The following BMP7 variants were observed in gnomAD, a reference collection of about 807,000 sequenced individuals.
The protein encoded by BMP7 is osteogenic protein 1.
BMP7 carries 12 observed loss-of-function variants against 41.2 expected under a neutral mutation model. That is an observed-to-expected ratio of 0.29 (90% CI 0.19 to 0.47). The LOEUF (loss-of-function observed/expected upper bound fraction) is 0.47, where lower values mean the gene tolerates loss of function less well. Ranked by LOEUF, BMP7 falls within the 20% of genes least tolerant of loss-of-function variation. The probability of loss-of-function intolerance (pLI) is 0.99; values close to 1 mark genes in which losing one functional copy is unlikely to be tolerated. For missense variants in BMP7, 467 were observed against 606.0 expected (o/e 0.77, Z 2.41); for synonymous variants, 248 against 250.0 (o/e 0.99, Z 0.07).
In BMP7 at chr20:57,261,778, G is replaced by A. The variant is rs532616321; in HGVS notation, c.418+3927C>T. Among the ~76,000 whole-genome samples, 9 of 152,298 alleles carry A rather than the reference G, an allele frequency of 5.9e-5. No individual in the cohort carries two copies. The highest frequency in any genetic ancestry group is 1.7e-4 in the African/African-American group (7 of 41,560). On this transcript the variant is annotated intron_variant, in intron 1 of 6. Coordinates refer to ENST00000395863, the MANE Select transcript of BMP7 (RefSeq NM_001719.3). This position sits in a 1 kb window ranked among gnomAD's most constrained non-coding sequence, Gnocchi z 4.1. ...ACAGCTGCAAATGCCTGCAGTCCACGCTCCCCTTTGCGAAGCACTCCCTGA... is the reference window on the plus strand; with the variant it reads ...ACAGCTGCAAATGCCTGCAGTCCACACTCCCCTTTGCGAAGCACTCCCTGA...
At chr20:57,203,035 T>G (rs755395277) in intron 2 of BMP7, among the ~76,000 whole-genome samples, 2 of 152,120 alleles carry the variant, frequency 1.3e-5, no homozygotes, top group African/African-American at 2.4e-5. Context: ...CTACACTATC[T>G]CATTCAATTC....
intron 3 of BMP7, among the ~76,000 whole-genome samples, chr20:57,189,338 T>A (rs575878472): frequency 3.3e-5 from 5 of 152,188 alleles, no homozygotes; most frequent in Admixed American, 1.3e-4. Context: ...CTCCCATCCA[T>A]CCCCAGGCGC....
intron 2 of BMP7, among the ~76,000 whole-genome samples, chr20:57,207,391 C>T (rs576411326): frequency 1.3e-5 from 2 of 152,260 alleles, no homozygotes; most frequent in African/African-American, 4.8e-5. Flanking sequence ...ACAGCAGATA[C>T]CAGAAAGAGT....
chr20:57,257,817 A>G (rs1288743614), intron 1 of BMP7, among the ~76,000 whole-genome samples: 3 of 136,396 alleles, frequency 2.2e-5, no homozygotes, highest in Admixed American at 7.9e-5. Flanking sequence ...GCCAAAACAC[A>G]AGCCACCAAA....
chr20:57,194,384 G>A (rs977896717), intron 3 of BMP7, among the ~76,000 whole-genome samples: 1 of 152,178 alleles, frequency 6.6e-6, no homozygotes, highest in African/African-American at 2.4e-5. Context: ...TCGATGCACA[G>A]TCAGGAACGC....
At chr20:57,241,785 G>A (rs2066070809) in intron 1 of BMP7, among the ~76,000 whole-genome samples, 1 of 152,224 alleles carries the variant, frequency 6.6e-6, no homozygotes, top group Non-Finnish European at 1.5e-5. Flanking sequence ...TGTACCACAA[G>A]ATTAAACACT....
chr20:57,235,047 C>A (rs2066042597), intron 1 of BMP7, among the ~76,000 whole-genome samples: 1 of 152,248 alleles, frequency 6.6e-6, no homozygotes, highest in Non-Finnish European at 1.5e-5. Flanking sequence ...AGTCCCTCCT[C>A]CCCTAAGGCT....
At chr20:57,250,466 G>C (rs940992001) in intron 1 of BMP7, among the ~76,000 whole-genome samples, 9 of 149,316 alleles carry the variant, frequency 6.0e-5, no homozygotes, top group Non-Finnish European at 1.3e-4. Context: ...AGGTGGTAGA[G>C]GCTGCAGTGA....
At chr20:57,204,448 C>A (rs1984689541) in intron 2 of BMP7, among the ~76,000 whole-genome samples, 1 of 152,212 alleles carries the variant, frequency 6.6e-6, no homozygotes, top group African/African-American at 2.4e-5. Context: ...GGAAACAGAC[C>A]TGTAATGTTA....
At chr20:57,194,867 C>T (rs1292222418) in intron 3 of BMP7, among the ~76,000 whole-genome samples, 2 of 152,268 alleles carry the variant, frequency 1.3e-5, no homozygotes, top group East Asian at 3.9e-4. Flanking sequence ...CCTGTGAGCT[C>T]GACCCCTGCA....
At position 57,228,389 on chromosome 20, in the gene BMP7, A is replaced by T; in HGVS notation, c.451T>A (p.Tyr151Asn). 1 of 1,614,180 alleles carries T rather than the reference A, an allele frequency of 6.2e-7. No individual in the cohort carries two copies. The highest frequency in any genetic ancestry group is 8.5e-7 in the Non-Finnish European group (1 of 1,180,026). The stretch of plus-strand genomic sequence containing the variant: ...TCAAACCGGAACTCTCGATGGTGGT[A>T]GCGTGGGTGGAAGAATTCCTTGTCA... ...EHDKEFFHPR[Y>N]HHREFRFDLS... The change falls in exon 2 of 7, where the codon TAC becomes AAC. Residue 151 changes from tyrosine to asparagine, a missense_variant. This residue lies in a region of BMP7 where 407 missense variants were observed against 485.9 expected (regional missense o/e 0.84). Transcript: ENST00000395863. The surrounding 1 kb of genome is among the most constrained non-coding windows in gnomAD (Gnocchi z 4.5).
rs142645576 is a variant in BMP7, at chr20:57,174,225, A to G, written c.1035+706T>C. Among the ~76,000 whole-genome samples, 1 of 152,214 alleles carries G rather than the reference A, an allele frequency of 6.6e-6. No individual in the cohort carries two copies. Among genetic ancestry groups the G allele is most frequent in the East Asian group, 1.9e-4 (1 of 5,172 alleles). On this transcript the variant is annotated intron_variant, in intron 5 of 6. Coordinates refer to ENST00000395863, the MANE Select transcript of BMP7 (RefSeq NM_001719.3). This position sits in a 1 kb window ranked among gnomAD's most constrained non-coding sequence, Gnocchi z 4.3. ...CAGTTGCCCTGATGACCTCATGACA[A>G]TACCCTCTCCAGGGATATTTGAGCC...
At chr20:57,252,261 C>CTAAAAA (rs1568730373) in intron 1 of BMP7, among the ~76,000 whole-genome samples, 6 of 152,112 alleles carry the variant, frequency 3.9e-5, no homozygotes, top group Admixed American at 3.3e-4. Flanking sequence ...AAAAATGTAC[C>CTAAAAA]AGCCATTCTT....
chr20:57,222,739 GAACTCA>G (rs1985217159), intron 2 of BMP7, among the ~76,000 whole-genome samples: 1 of 152,034 alleles, frequency 6.6e-6, no homozygotes, highest in Admixed American at 6.6e-5. Flanking sequence ...CTCAAAACCA[GAACTCA>G]TGCCCTGGGG....
At position 57,197,730 on chromosome 20, in the gene BMP7, G is replaced by A. The variant is rs1984526541; in HGVS notation, c.760+4745C>T. Among the ~76,000 whole-genome samples, 4 of 152,358 alleles carry A rather than the reference G, an allele frequency of 2.6e-5. No homozygotes were observed. The South Asian group carries it at 8.3e-4, about 32-fold the overall frequency. On this transcript the variant is annotated intron_variant, in intron 3 of 6. Coordinates refer to ENST00000395863, the MANE Select transcript of BMP7 (RefSeq NM_001719.3). Reference sequence around the variant, plus strand: ...GGGTGCTGGGCCCAGGATTCAGCATGTTCTGAGAACTCACTTTCTTCTTCC... The same window carrying A: ...GGGTGCTGGGCCCAGGATTCAGCATATTCTGAGAACTCACTTTCTTCTTCC...
At chr20:57,238,087 C>T (rs2066054504) in intron 1 of BMP7, among the ~76,000 whole-genome samples, 1 of 152,230 alleles carries the variant, frequency 6.6e-6, no homozygotes. Context: ...CGCCAAAACT[C>T]TGTCCCCATT....
chr20:57,173,102 G>A, intron 6 of BMP7, 98 bp downstream of exon 6: 1 of 1,273,196 alleles, frequency 7.9e-7, no homozygotes, highest in Non-Finnish European at 1.1e-6. Context: ...GCAATGGGCT[G>A]ACATCTACTC....
In BMP7 at chr20:57,261,572, G is replaced by C. The variant is rs2066154189; in HGVS notation, c.418+4133C>G. ...AATGAGGTTTAAAAGAAGTGATTTT[G>C]AAAGGGTTACGAAAAACACAGCTGT... On this transcript the variant is annotated intron_variant, in intron 1 of 6. Coordinates refer to ENST00000395863, the MANE Select transcript of BMP7 (RefSeq NM_001719.3). The surrounding 1 kb of genome is among the most constrained non-coding windows in gnomAD (Gnocchi z 4.1). Among the ~76,000 whole-genome samples, 1 of 152,228 alleles carries C rather than the reference G, an allele frequency of 6.6e-6. No homozygotes were observed. The highest frequency in any genetic ancestry group is 1.5e-5 in the Non-Finnish European group (1 of 68,040).
At chr20:57,236,968 AG>A (rs1173171180) in intron 1 of BMP7, among the ~76,000 whole-genome samples, 3 of 152,214 alleles carry the variant, frequency 2.0e-5, no homozygotes, top group African/African-American at 7.2e-5. Flanking sequence ...TATGGTCTTC[AG>A]AAAAAATTTG....
Sources: allele counts gnomAD v4.1 joint callset (sites outside exome capture counted in the v4.1 genomes callset), GRCh38; gene constraint gnomAD v4.1.1; regional missense constraint gnomAD v4.1.1; non-coding constraint Gnocchi (gnomAD v3.1); transcripts MANE v1.5; gene names NCBI Gene and HGNC (gene_info 2026-07-23, HGNC 2026-07-21).